The following MYLK variants were observed in gnomAD, a reference collection of about 807,000 sequenced individuals.
The protein encoded by MYLK is myosin light chain kinase.
In MYLK, 106 loss-of-function variants were observed where a neutral mutation model predicts 203.4. That is an observed-to-expected ratio of 0.52 (90% CI 0.45 to 0.61). The LOEUF is 0.61. Among genes scored for constraint, MYLK ranks in the 20% least tolerant of loss-of-function variants. The probability of loss-of-function intolerance (pLI) is 0.00; values close to 1 mark genes in which losing one functional copy is unlikely to be tolerated. For synonymous variants in MYLK, 867 were observed against 959.5 expected (o/e 0.90, Z 1.78); for missense variants, 2,072 against 2,442.3 (o/e 0.85, Z 3.20).
intron 2 of MYLK, among the ~76,000 whole-genome samples, chr3:123,854,825 A>T (rs1437856550): frequency 3.9e-5 from 6 of 152,158 alleles, no homozygotes; most frequent in Non-Finnish European, 8.8e-5. Context: ...CTTTGTATTT[A>T]TATTCTTGGT....
chr3:123,798,286 C>T (rs1276118026), intron 3 of MYLK, among the ~76,000 whole-genome samples: 1 of 152,038 alleles, frequency 6.6e-6, no homozygotes, highest in Non-Finnish European at 1.5e-5. Context: ...TTCTCGGAGG[C>T]CCCCACATCT....
At chr3:123,649,339 G>T in intron 24 of MYLK, 145 bp from the exon 25 acceptor site, 1 of 1,039,032 alleles carries the variant, frequency 9.6e-7, no homozygotes. Context: ...GCATCCCCTG[G>T]GGCTGGTCAG....
intron 4 of MYLK, among the ~76,000 whole-genome samples, chr3:123,756,748 T>C (rs914584274): frequency 6.6e-6 from 1 of 152,166 alleles, no homozygotes; most frequent in African/African-American, 2.4e-5. Flanking sequence ...ACAATGAGTT[T>C]TGGAAATGGC....
intron 2 of MYLK, among the ~76,000 whole-genome samples, chr3:123,872,401 A>G (rs977045430): frequency 1.3e-5 from 2 of 152,110 alleles, no homozygotes; most frequent in Admixed American, 1.3e-4. Context: ...CAATGCTAAC[A>G]CTATCAACCT....
At chr3:123,775,516 A>T (rs1310540415) in intron 4 of MYLK, among the ~76,000 whole-genome samples, 2 of 152,338 alleles carry the variant, frequency 1.3e-5, no homozygotes, top group African/African-American at 2.4e-5. Flanking sequence ...TCAGTACAGT[A>T]GATGTGGCAC....
intron 3 of MYLK, among the ~76,000 whole-genome samples, chr3:123,816,142 G>T (rs2065742399): frequency 6.6e-6 from 1 of 152,250 alleles, no homozygotes; most frequent in Non-Finnish European, 1.5e-5. Context: ...GCACTGGTGT[G>T]CACATCAGTA....
chr3:123,759,344 A>T (rs944121793), intron 4 of MYLK, among the ~76,000 whole-genome samples: 6 of 152,176 alleles, frequency 3.9e-5, no homozygotes, highest in Non-Finnish European at 7.4e-5. Flanking sequence ...CTGTGTCTTC[A>T]GCTGGAGGAG....
intron 20 of MYLK, among the ~76,000 whole-genome samples, chr3:123,671,240 G>GT (rs1163249786): frequency 6.6e-6 from 1 of 152,248 alleles, no homozygotes; most frequent in Non-Finnish European, 1.5e-5. Flanking sequence ...GAATCTGTTT[G>GT]TAGGTTAGAA....
At chr3:123,882,516 G>A (rs2033605845) in intron 1 of MYLK, among the ~76,000 whole-genome samples, 2 of 152,190 alleles carry the variant, frequency 1.3e-5, no homozygotes, top group East Asian at 1.9e-4. Flanking sequence ...AACTGAACAT[G>A]GGAGATAAAC....
intron 13 of MYLK, among the ~76,000 whole-genome samples, chr3:123,715,386 C>T (rs967955971): frequency 1.5e-4 from 23 of 152,120 alleles, no homozygotes; most frequent in South Asian, 2.1e-4. Context: ...AAAGTGAATT[C>T]GGAAGTGTCA....
chr3:123,655,895 G>T (rs945088533), intron 24 of MYLK, among the ~76,000 whole-genome samples: 9 of 152,206 alleles, frequency 5.9e-5, no homozygotes, highest in Non-Finnish European at 5.9e-5. Context: ...GTTAGCCATG[G>T]TGAATTATAA....
Position 123,814,257 on chromosome 3 carries a change from C to A in MYLK, c.-4+17291G>T, listed in dbSNP as rs1227739395. The A allele has an allele frequency of 1.6e-5, 3 of 190,764 alleles. No homozygotes were observed. The Admixed American group carries it at 1.7e-4, about 11-fold the overall frequency. The allele number at this position is 190,764 out of a possible 1,614,324, so 11.8% of individuals were successfully genotyped here. On this transcript the variant is annotated intron_variant, in intron 3 of 33. Coordinates refer to ENST00000360304, the MANE Select transcript of MYLK (RefSeq NM_053025.4). ...AGGTATCTTCCCCGGCCACATTCAC[C>A]CTATTCCGGCCAAGCTCAGGCTTCA...
intron 16 of MYLK, among the ~76,000 whole-genome samples, chr3:123,705,094 G>C (rs1024567611): frequency 6.6e-6 from 1 of 152,096 alleles, no homozygotes; most frequent in African/African-American, 2.4e-5. Flanking sequence ...CACAATCCTA[G>C]CAGGGACAGG....
At chr3:123,627,383 A>G (rs1461516282) in intron 30 of MYLK, among the ~76,000 whole-genome samples, 3 of 152,178 alleles carry the variant, frequency 2.0e-5, no homozygotes, top group Non-Finnish European at 4.4e-5. Flanking sequence ...ATCTCCGACA[A>G]TCACTGAACT....
At chr3:123,628,501 AGCTCCAAGCTCCTCGGCACC>A in intron 30 of MYLK, among the ~76,000 whole-genome samples, 1 of 152,282 alleles carries the variant, frequency 6.6e-6, no homozygotes, top group East Asian at 1.9e-4. Context: ...TGCCAAGTAT[AGCTCCAAGCTCCTCGGCACC>A]CCTACAGTCA....
At chr3:123,763,901 C>T (rs1286818750) in intron 4 of MYLK, among the ~76,000 whole-genome samples, 1 of 152,232 alleles carries the variant, frequency 6.6e-6, no homozygotes, top group East Asian at 1.9e-4. Flanking sequence ...CTACTGTTTT[C>T]CTCAATGTTC....
intron 18 of MYLK, 60 bp downstream of exon 18, chr3:123,699,960 T>G (rs2108575796): frequency 3.0e-4 from 476 of 1,604,676 alleles, no homozygotes; most frequent in Non-Finnish European, 3.6e-4. Flanking sequence ...CAACGCTCCA[T>G]GAGCTAGGAG....
intron 33 of MYLK, chr3:123,616,805 C>T (rs1328472763): frequency 2.0e-5 from 3 of 152,152 alleles, no homozygotes; most frequent in Admixed American, 2.0e-4. Flanking sequence ...CCTGCTTCTG[C>T]TATGATTAAA....
In MYLK at chr3:123,743,759, C is replaced by G. The variant is rs112562106; in HGVS notation, c.374-3758G>C. On this transcript the variant is annotated intron_variant, in intron 5 of 33. Coordinates refer to ENST00000360304, the MANE Select transcript of MYLK (RefSeq NM_053025.4). Reference sequence around the variant, plus strand: ...TGGAAGGGATAAGGTAGACCTAGCTCTGTTTGTCAGGTGATACAGAAAGAC... The same window carrying G: ...TGGAAGGGATAAGGTAGACCTAGCTGTGTTTGTCAGGTGATACAGAAAGAC... Among the ~76,000 whole-genome samples, 690 of 152,238 alleles carry G rather than the reference C, an allele frequency of 4.5e-3. 6 individuals carry two copies. Among genetic ancestry groups the G allele is most frequent in the Middle Eastern group, 0.027 (8 of 294 alleles).
Sources: gnomAD v4.1 joint callset for allele counts (sites outside exome capture counted in the v4.1 genomes callset) on GRCh38, gnomAD v4.1.1 for gene constraint, MANE v1.5 for transcripts, NCBI Gene and HGNC (gene_info 2026-07-23, HGNC 2026-07-21) for gene names.